FLNB: variants seen among roughly 807,000 people sequenced by gnomAD.
FLNB encodes the protein filamin-B.
FLNB carries 111 observed loss-of-function variants against 250.6 expected under a neutral mutation model. That is an observed-to-expected ratio of 0.44 (90% CI 0.38 to 0.52). The LOEUF (loss-of-function observed/expected upper bound fraction) is 0.52, where lower values mean the gene tolerates loss of function less well. Among genes scored for constraint, FLNB ranks in the 20% least tolerant of loss-of-function variants. FLNB has a pLI of 0.00. For missense variants in FLNB, 2,869 were observed against 3,447.8 expected, an observed-to-expected ratio of 0.83 and a Z score of 4.20; for synonymous variants, 1,302 against 1,372.1, an observed-to-expected ratio of 0.95 and a Z score of 1.13.
At chr3:58,076,204 A>G (rs907070005) in intron 1 of FLNB, among the ~76,000 whole-genome samples, 1 of 152,226 alleles carries the variant, frequency 6.6e-6, no homozygotes, top group Non-Finnish European at 1.5e-5. Flanking sequence ...TCTTAAATCT[A>G]TAGATAGGAA....
chr3:58,121,164 C>G, intron 19 of FLNB, 77 bp from the exon 20 acceptor site: 1 of 1,591,498 alleles, frequency 6.3e-7, no homozygotes, highest in Non-Finnish European at 8.6e-7. Flanking sequence ...TCCAAAGAAC[C>G]ATTGCTTCTG....
chr3:58,053,560 A>G (rs914829793), intron 1 of FLNB, among the ~76,000 whole-genome samples: 2 of 152,188 alleles, frequency 1.3e-5, no homozygotes, highest in Non-Finnish European at 2.9e-5. Flanking sequence ...TCCTGGGTTC[A>G]AGTGATTCTT....
chr3:58,155,076 G>T, intron 40 of FLNB, 148 bp downstream of exon 40: 1 of 815,496 alleles, frequency 1.2e-6, no homozygotes, highest in Non-Finnish European at 2.0e-6. Context: ...CCAGTTGCAA[G>T]ATACATGGCC....
In FLNB at chr3:58,169,616, G is replaced by C. The variant is rs201566479; in HGVS notation, c.7444G>C (p.Ala2482Pro). The C allele has an allele frequency of 5.6e-6, 9 of 1,614,148 alleles. No individual in the cohort carries two copies. The Admixed American group carries it at 8.3e-5, about 15-fold the overall frequency. Reference protein sequence around the residue: ...TGQRLVSPGSANETSSILVES... With the variant: ...TGQRLVSPGSPNETSSILVES... ...CCAGCGTCTAGTTAGCCCTGGCTCA[G>C]CCAACGAGACCTCATCCATCCTGGT... Residue 2482 changes from alanine to proline, a missense_variant, in exon 45 of 46, where the codon GCC becomes CCC. Around this residue, in one of 5 missense-constraint regions of FLNB, gnomAD observed 1,084 missense variants for 1,315.5 expected, o/e 0.82. Transcript: ENST00000295956. This position sits in a 1 kb window ranked among gnomAD's most constrained non-coding sequence, Gnocchi z 4.8.
chr3:58,132,520 C>A, intron 25 of FLNB: 1 of 507,504 alleles, frequency 2.0e-6, no homozygotes, highest in Non-Finnish European at 3.6e-6. Context: ...TCCACATACA[C>A]CCTCCAGCAG....
intron 29 of FLNB, among the ~76,000 whole-genome samples, chr3:58,141,226 C>G (rs1293349501): frequency 2.0e-5 from 3 of 152,190 alleles, no homozygotes; most frequent in Admixed American, 6.5e-5. Context: ...GCACTCCAGC[C>G]TGGATGACAG....
intron 12 of FLNB, 86 bp from the exon 13 acceptor site, chr3:58,108,371 TC>T: frequency 2.4e-6 from 2 of 850,626 alleles, no homozygotes; most frequent in Non-Finnish European, 2.0e-6. Context: ...ATTTTGTTCT[TC>T]CCCCACCCCC....
At chr3:58,052,643 G>A (rs2097164229) in intron 1 of FLNB, among the ~76,000 whole-genome samples, 1 of 152,234 alleles carries the variant, frequency 6.6e-6, no homozygotes, top group Non-Finnish European at 1.5e-5. Flanking sequence ...GTGGATGGCA[G>A]GTTGTCATCT....
chr3:58,078,250 G>A, intron 2 of FLNB: 3 of 1,366,614 alleles, frequency 2.2e-6, no homozygotes, highest in Non-Finnish European at 2.8e-6. Context: ...AAACCTGGGA[G>A]TTTTTACTCT....
intron 2 of FLNB, among the ~76,000 whole-genome samples, chr3:58,078,073 A>G (rs550767063): frequency 6.6e-6 from 1 of 152,246 alleles, no homozygotes; most frequent in Non-Finnish European, 1.5e-5. Context: ...CTCAAAGCAG[A>G]ACTAGTGTCA....
Position 58,138,374 on chromosome 3 carries a change from G to A in FLNB, c.4954G>A (p.Val1652Ile). The change falls in exon 29 of 46, where the codon GTT (valine) becomes ATT (isoleucine). Residue 1652 changes from valine to isoleucine, a missense_variant. This residue lies in a region of FLNB where 1,084 missense variants were observed against 1,315.5 expected (regional missense o/e 0.82). Transcript: ENST00000295956. Reference sequence around the variant, plus strand: ...CGGGAAGGGTAAAGTGACCTGCACGGTTCTGACCCCAGATGGCACTGAGGC... The same window carrying A: ...CGGGAAGGGTAAAGTGACCTGCACGATTCTGACCCCAGATGGCACTGAGGC... ...TAGKGKVTCT[V>I]LTPDGTEAEA... 6.2e-7 allele frequency: 1 copy of A among 1,614,220 alleles called. No homozygotes were observed. The highest frequency in any genetic ancestry group is 8.5e-7 in the Non-Finnish European group (1 of 1,180,030).
intron 1 of FLNB, among the ~76,000 whole-genome samples, chr3:58,055,094 C>A (rs2097168398): frequency 6.6e-6 from 1 of 152,132 alleles, no homozygotes; most frequent in Non-Finnish European, 1.5e-5. Flanking sequence ...TGGTGAAATC[C>A]TGTCTCTACC....
At chr3:58,061,164 C>T (rs757209808) in intron 1 of FLNB, among the ~76,000 whole-genome samples, 12 of 152,226 alleles carry the variant, frequency 7.9e-5, no homozygotes, top group Non-Finnish European at 1.5e-4. Flanking sequence ...CTGCTCTTTC[C>T]AGAAGCAACT....
intron 1 of FLNB, among the ~76,000 whole-genome samples, chr3:58,019,990 G>A (rs1000759183): frequency 1.3e-5 from 2 of 152,108 alleles, no homozygotes; most frequent in Non-Finnish European, 2.9e-5. Flanking sequence ...GAGGAAGGAG[G>A]TGTCCCTGGA....
chr3:58,084,578 G>C (rs9859588), intron 4 of FLNB, among the ~76,000 whole-genome samples: 1 of 151,754 alleles, frequency 6.6e-6, no homozygotes, highest in Non-Finnish European at 1.5e-5. Context: ...TTTTTTATAT[G>C]TGTGCTTTTT....
rs2097260541 is a variant in FLNB, at chr3:58,106,840, C to T, written c.1908C>T (p.Ile636=). The change falls in exon 12 of 46, where the codon ATC becomes ATT. Residue 636 remains isoleucine (I), a synonymous_variant. Coordinates refer to ENST00000295956, the MANE Select transcript of FLNB (RefSeq NM_001457.4). The part of the protein sequence containing the change: ...DIKDSPYMAF[I]HPATGGYNPD... ...AGGACAGCCCGTACATGGCCTTCAT[C>T]CACCCAGCCACGGGAGGCTACAACC... The T allele has an allele frequency of 3.7e-6, 6 of 1,613,862 alleles. No individual in the cohort carries two copies. The highest frequency in any genetic ancestry group is 1.3e-5 in the African/African-American group (1 of 74,888).
At chr3:58,080,690 C>T (rs1282857083) in intron 3 of FLNB, among the ~76,000 whole-genome samples, 1 of 151,192 alleles carries the variant, frequency 6.6e-6, no homozygotes, top group African/African-American at 2.4e-5. Context: ...AATGGGGTTT[C>T]ACCATGTTGG....
Position 58,168,532 on chromosome 3 carries a change from T to G in FLNB, c.7291T>G (p.Cys2431Gly), listed in dbSNP as rs778959875. The G allele has an allele frequency of 6.2e-7, 1 of 1,614,196 alleles. No individual in the cohort carries two copies. Among genetic ancestry groups the G allele is most frequent in the Admixed American group, 1.7e-5 (1 of 60,022 alleles). The change falls in exon 44 of 46, where the codon TGC (cysteine) becomes GGC (glycine). Residue 2431 changes from cysteine (C) to glycine (G), a missense_variant. This residue lies in a region of FLNB where 1,084 missense variants were observed against 1,315.5 expected (regional missense o/e 0.82). Transcript: ENST00000295956. ...IEGPSKVKMD[C>G]QETPEGYKVM... is the part of the protein sequence containing the mutation. ...AGGCCCATCCAAGGTTAAAATGGAT[T>G]GCCAGGAAACACCTGAAGGGTACAA...
In FLNB at chr3:58,109,179, G is replaced by T. The variant is rs2097264455; in HGVS notation, c.2056G>T (p.Asp686Tyr). The change falls in exon 14 of 46, where the codon GAT (aspartate) becomes TAT (tyrosine). Residue 686 changes from aspartate (D) to tyrosine (Y), a missense_variant and splice_region_variant. Asp to Tyr is a radical substitution (Grantham distance 160). Coordinates refer to ENST00000295956, the MANE Select transcript of FLNB (RefSeq NM_001457.4). The part of the protein sequence containing the change: ...GKAPLKIFAQ[D>Y]GEGQRIDIQM... ...GGTCCTAGCTCTGGCTTTTTTGCAG[G>T]ATGGGGAAGGCCAACGCATTGACAT... The T allele has an allele frequency of 3.1e-6, 5 of 1,614,190 alleles. No individual in the cohort carries two copies. Among genetic ancestry groups the T allele is most frequent in the Non-Finnish European group, 3.4e-6 (4 of 1,180,030 alleles).
Sources: allele counts gnomAD v4.1 joint callset (sites outside exome capture counted in the v4.1 genomes callset), GRCh38; gene constraint gnomAD v4.1.1; regional missense constraint gnomAD v4.1.1; non-coding constraint Gnocchi (gnomAD v3.1); transcripts MANE v1.5; gene names NCBI Gene and HGNC (gene_info 2026-07-23, HGNC 2026-07-21).